BIN1: variants seen among roughly 807,000 people sequenced by gnomAD.
The protein encoded by BIN1 is myc box-dependent-interacting protein 1.
A neutral mutation model predicts 82.0 loss-of-function variants in BIN1; 53 were observed. That is an observed-to-expected ratio of 0.65 (90% confidence interval 0.52 to 0.81). The LOEUF is 0.81. Among genes scored for constraint, BIN1 ranks in the 40% least tolerant of loss-of-function variants. The pLI is 0.00. For synonymous variants in BIN1, 302 were observed against 328.0 expected (o/e 0.92, Z 0.86); for missense variants, 642 against 784.4 (o/e 0.82, Z 2.17).
At chr2:127,088,606 T>C (rs1678492433) in intron 1 of BIN1, among the ~76,000 whole-genome samples, 1 of 151,978 alleles carries the variant, frequency 6.6e-6, no homozygotes, top group South Asian at 2.1e-4. Flanking sequence ...AGTGTGATGG[T>C]GTGCACCTAT....
intron 1 of BIN1, among the ~76,000 whole-genome samples, chr2:127,083,262 T>C (rs1687536392): frequency 6.6e-6 from 1 of 152,028 alleles, no homozygotes; most frequent in South Asian, 2.1e-4. Context: ...TTACTTTTTG[T>C]AGAGACAGGG....
At chr2:127,062,021 G>T in intron 10 of BIN1, 94 bp downstream of exon 10, 1 of 1,446,368 alleles carries the variant, frequency 6.9e-7, no homozygotes, top group Non-Finnish European at 9.4e-7. Context: ...CCAAACCCAT[G>T]GGGGACCAGG....
intron 1 of BIN1, among the ~76,000 whole-genome samples, chr2:127,086,533 A>T (rs1678186521): frequency 6.8e-6 from 1 of 146,628 alleles, no homozygotes; most frequent in Admixed American, 6.8e-5. Context: ...TTTAAGACAG[A>T]ATCTCGCTCT....
At chr2:127,072,003 A>C (rs957648606) in intron 2 of BIN1, among the ~76,000 whole-genome samples, 1 of 151,866 alleles carries the variant, frequency 6.6e-6, no homozygotes, top group Non-Finnish European at 1.5e-5. Flanking sequence ...GTAGAAGGGC[A>C]CCCTCCTGGC....
chr2:127,072,611 G>C (rs981096477), intron 2 of BIN1, among the ~76,000 whole-genome samples: 3 of 124,120 alleles, frequency 2.4e-5, no homozygotes, highest in African/African-American at 3.7e-5. Flanking sequence ...AATTTAAAGA[G>C]AGCATGTGTG....
chr2:127,059,050 C>T lies in BIN1; in HGVS notation c.963G>A (p.Gly321=). Residue 321 remains glycine (G), a synonymous_variant, in exon 11 of 19, where the codon GGG becomes GGA. Coordinates refer to ENST00000316724, the MANE Select transcript of BIN1 (RefSeq NM_139343.3). The surrounding 1 kb of genome is among the most constrained non-coding windows in gnomAD (Gnocchi z 6.7). ...TGGGGAGGGTGGCCCCGGGCGTGGC[C>T]CCGCCGGCCGGCTCTGGCTCGTGGT... is the stretch of plus-strand genomic sequence containing the variant. ...RVNHEPEPAG[G]ATPGATLPKS... 6.4e-7 allele frequency: 1 copy of T among 1,571,588 alleles called. No homozygotes were observed. The highest frequency in any genetic ancestry group is 8.6e-7 in the Non-Finnish European group (1 of 1,158,636).
intron 10 of BIN1, among the ~76,000 whole-genome samples, chr2:127,060,121 A>G (rs1273549253): frequency 6.6e-6 from 1 of 152,208 alleles, no homozygotes; most frequent in Non-Finnish European, 1.5e-5. Flanking sequence ...GAGGGCAAAC[A>G]GTGGAACAGC....
intron 7 of BIN1, among the ~76,000 whole-genome samples, chr2:127,066,944 G>A (rs755383437): frequency 5.3e-5 from 8 of 152,092 alleles, no homozygotes; most frequent in Non-Finnish European, 1.2e-4. Context: ...GGCAATGCGT[G>A]CCTGTGGTCC....
chr2:127,074,139 A>G (rs1204565233), intron 2 of BIN1, among the ~76,000 whole-genome samples: 1 of 151,982 alleles, frequency 6.6e-6, no homozygotes, highest in Non-Finnish European at 1.5e-5. Context: ...GGGCTCACAG[A>G]ATCAGAGGCA....
chr2:127,100,971 G>A (rs1680237906), intron 1 of BIN1, among the ~76,000 whole-genome samples: 1 of 146,538 alleles, frequency 6.8e-6, no homozygotes, highest in South Asian at 2.2e-4. Flanking sequence ...CAAGAATTCA[G>A]TGAGACTTGC....
chr2:127,103,619 G>A (rs751199826), intron 1 of BIN1, among the ~76,000 whole-genome samples: 11 of 152,274 alleles, frequency 7.2e-5, no homozygotes, highest in South Asian at 2.1e-4. Context: ...CCGTCAGGCC[G>A]GCTCCATGAG....
Position 127,083,142 on chromosome 2 carries a change from A to T in BIN1, c.85-6436T>A, listed in dbSNP as rs183535927. Among the ~76,000 whole-genome samples the T allele has an allele frequency of 3.5e-3, 515 of 148,418 alleles. 2 individuals are homozygous for T. The highest frequency in any genetic ancestry group is 5.8e-3 in the Non-Finnish European group (389 of 67,550). The stretch of plus-strand genomic sequence containing the variant: ...TGCTATGTCGTCCAAGCTAGAGTAC[A>T]TGGCGCAATCATGGCTCACAGTAGC... On this transcript the variant is annotated intron_variant, in intron 1 of 18. Transcript: ENST00000316724.
intron 1 of BIN1, among the ~76,000 whole-genome samples, chr2:127,091,889 C>T (rs1220495028): frequency 2.0e-5 from 3 of 152,104 alleles, no homozygotes; most frequent in Non-Finnish European, 2.9e-5. Flanking sequence ...GAGCAAGACC[C>T]TGTCTCAGAA....
intron 1 of BIN1, among the ~76,000 whole-genome samples, chr2:127,101,729 G>T (rs1188425992): frequency 1.3e-5 from 2 of 152,194 alleles, no homozygotes. Context: ...TATAGTTTAT[G>T]GTGGGAGTAG....
At chr2:127,073,651 C>CG (rs1573668792) in intron 2 of BIN1, among the ~76,000 whole-genome samples, 1 of 152,192 alleles carries the variant, frequency 6.6e-6, no homozygotes, top group Non-Finnish European at 1.5e-5. Context: ...GCCATCAATT[C>CG]GGGGGGCGAC....
Position 127,091,943 on chromosome 2 carries a change from G to A in BIN1, c.84+14917C>T, listed in dbSNP as rs114027095. On this transcript the variant is annotated intron_variant, in intron 1 of 18. Coordinates refer to ENST00000316724, the MANE Select transcript of BIN1 (RefSeq NM_139343.3). ...GGCTGGTGGGTGGGGGGAATGGAACGGAGAGCCAGAGGGGACAAGAACATG... is the reference window on the plus strand; with the variant it reads ...GGCTGGTGGGTGGGGGGAATGGAACAGAGAGCCAGAGGGGACAAGAACATG... Among the ~76,000 whole-genome samples, 573 of 151,064 alleles carry A rather than the reference G, an allele frequency of 3.8e-3. 4 individuals are homozygous for A. Among genetic ancestry groups the A allele is most frequent in the African/African-American group, 0.013 (556 of 41,464 alleles).
intron 1 of BIN1, among the ~76,000 whole-genome samples, chr2:127,091,576 C>G (rs74267166): frequency 0.046 from 6,964 of 152,248 alleles, 382 homozygotes; most frequent in East Asian, 0.19. Flanking sequence ...GTTTGATCAA[C>G]AGGTATTCAG....
chr2:127,065,578 G>A (rs1340317966), intron 7 of BIN1, among the ~76,000 whole-genome samples: 1 of 152,134 alleles, frequency 6.6e-6, no homozygotes, highest in African/African-American at 2.4e-5. Context: ...CCAACAGTGG[G>A]TCTAAAGTCC....
rs796269045 is a variant in BIN1 at position 127,062,283 on chromosome 2, C to T, written c.775-86G>A. ...CCCAAACACCTCTGCTTCTCCCCAC[C>T]ACCCCCAGCCCCTGCCAGGAACAAG... On this transcript the variant is annotated intron_variant, in intron 9 of 18. Coordinates refer to ENST00000316724, the MANE Select transcript of BIN1 (RefSeq NM_139343.3). 2.6e-5 allele frequency: 34 copies of T among 1,286,304 alleles called. No homozygotes were observed. The African/African-American group carries it at 4.7e-4, about 18-fold the overall frequency. The allele number at this position is 1,286,304 out of a possible 1,614,324, so 79.7% of individuals were successfully genotyped here.
Sources: gnomAD v4.1 joint callset for allele counts (sites outside exome capture counted in the v4.1 genomes callset) on GRCh38, gnomAD v4.1.1 for gene constraint, Gnocchi (gnomAD v3.1) non-coding constraint, MANE v1.5 for transcripts, NCBI Gene and HGNC (gene_info 2026-07-23, HGNC 2026-07-21) for gene names.